CHTF18: variants seen among roughly 807,000 people sequenced by gnomAD.
CHTF18 encodes the protein chromosome transmission fidelity protein 18 homolog.
CHTF18 carries 151 observed loss-of-function variants against 113.4 expected under a neutral mutation model. The observed-to-expected ratio is 1.33, with a 90% CI of 1.17 to 1.52. The LOEUF (loss-of-function observed/expected upper bound fraction) is 1.52. Ranked by LOEUF, CHTF18 falls within the 40% of genes most tolerant of loss-of-function variation. The probability of loss-of-function intolerance (pLI) is 0.00; values close to 1 mark genes in which losing one functional copy is unlikely to be tolerated. For missense variants in CHTF18, 1,982 were observed against 1,381.6 expected, an observed-to-expected ratio of 1.43 and a Z score of -6.89; for synonymous variants, 916 against 598.8, an observed-to-expected ratio of 1.53 and a Z score of -7.74.
In CHTF18 at chr16:792,528, C is replaced by T. The variant is rs2042227028; in HGVS notation, c.1416C>T (p.Gly472=). ...PQGPAVPSGG[G]RRRRAEGGLL... ...GCCCGGCTGTGCCTTCGGGAGGCGG[C>T]CGACGGCGCCGGGCAGAGGGGGGGC... The change falls in exon 11 of 22, where the codon GGC becomes GGT. Residue 472 remains glycine, a synonymous_variant. Transcript: ENST00000262315. The T allele has an allele frequency of 3.1e-6, 5 of 1,594,684 alleles. No individual in the cohort carries two copies. Among genetic ancestry groups the T allele is most frequent in the Non-Finnish European group, 4.3e-6 (5 of 1,174,236 alleles).
Position 791,374 on chromosome 16 carries a change from A to G in CHTF18, c.1104+4A>G, listed in dbSNP as rs1228288121. On this transcript the variant is annotated splice_donor_region_variant and intron_variant, in intron 8 of 21. Coordinates refer to ENST00000262315, the MANE Select transcript of CHTF18 (RefSeq NM_022092.3). ...GAGCCAGCGACCGAAGCAGAAGGTG[A>G]GCCCCGCTGGCTGTGCCGCCGGGAA... is the stretch of plus-strand genomic sequence containing the variant. 1 of 1,596,328 alleles carries G rather than the reference A, an allele frequency of 6.3e-7. No individual in the cohort carries two copies. The highest frequency in any genetic ancestry group is 8.5e-7 in the Non-Finnish European group (1 of 1,174,602).
rs2151648751 is a variant in CHTF18 at position 795,477 on chromosome 16, CG to C, written c.2175+123del. 2 of 436,166 alleles carry C rather than the reference CG, an allele frequency of 4.6e-6. 1 individual carries two copies. Among genetic ancestry groups the C allele is most frequent in the African/African-American group, 8.5e-5 (2 of 23,506 alleles). 27.0% of individuals were successfully genotyped at this position (436,166 alleles called of 1,614,324 possible). A position where few individuals can be genotyped will look rare whatever the true frequency, so the allele number is the denominator to read the frequency against. On this transcript the variant is annotated intron_variant, in intron 16 of 21. Coordinates refer to ENST00000262315, the MANE Select transcript of CHTF18 (RefSeq NM_022092.3). ...AACACACTGCCCGTGTGGCTGCCCC[CG>C]GCCCCGTGCCCGCCCCCCCAAACAC... is the stretch of plus-strand genomic sequence containing the variant.
chr16:791,077 C>T (rs113406233), intron 7 of CHTF18, 84 bp from the exon 8 acceptor site: 1 of 1,523,740 alleles, frequency 6.6e-7, no homozygotes, highest in Non-Finnish European at 8.8e-7. Context: ...TCCCATGGGG[C>T]ATGGGGCTCA....
intron 20 of CHTF18, 126 bp downstream of exon 20, chr16:797,218 A>C: frequency 8.7e-7 from 1 of 1,145,348 alleles, no homozygotes; most frequent in South Asian, 2.0e-5. Context: ...GGGTGTGGCT[A>C]GGGCCCCTCA....
chr16:792,581 G>A lies in CHTF18; in HGVS notation c.1469G>A (p.Cys490Tyr), dbSNP rs1420772404. Residue 490 changes from cysteine (C) to tyrosine (Y), a missense_variant, in exon 11 of 22, where the codon TGC (cysteine) becomes TAC (tyrosine). Coordinates refer to ENST00000262315, the MANE Select transcript of CHTF18 (RefSeq NM_022092.3). ...CTCATGAGGCCCATTATCTGCATTT[G>A]CAATGACCAGTGAGTGCATGGGCGG... ...GLLMRPIICICNDQFAPSLRQ... is the reference protein window; with the variant it reads ...GLLMRPIICIYNDQFAPSLRQ... The A allele has an allele frequency of 1.3e-6, 2 of 1,595,670 alleles. No homozygotes were observed. Among genetic ancestry groups the A allele is most frequent in the Admixed American group, 1.8e-5 (1 of 54,874 alleles).
rs1447954996 is a variant in CHTF18 at position 797,944 on chromosome 16, G to A, written c.2897G>A (p.Arg966Gln). Residue 966 changes from arginine (R) to glutamine (Q), a missense_variant, in exon 22 of 22, where the codon CGG (arginine) becomes CAG (glutamine). Physicochemically the swap from Arg to Gln is conservative, Grantham distance 43 (BLOSUM62 1). Transcript: ENST00000262315. ...AACGAGGGTGTCTCCAACGCCGTGC[G>A]GCGCAGCCTGTACATCAGGGACTTG... ...RFNEGVSNAV[R>Q]RSLYIRDLL is the part of the protein sequence containing the mutation. 8.7e-6 allele frequency: 14 copies of A among 1,612,214 alleles called. No homozygotes were observed. Among genetic ancestry groups the A allele is most frequent in the Admixed American group, 1.7e-5 (1 of 59,964 alleles).
At chr16:796,566 G>T (rs533639477) in intron 18 of CHTF18, 151 bp from the exon 19 acceptor site, 11 of 901,202 alleles carry the variant, frequency 1.2e-5, no homozygotes, top group Middle Eastern at 6.9e-4. Context: ...CCTGGCTGCC[G>T]CAGGGTTGGG....
In CHTF18 at chr16:790,207, G is replaced by A. The variant is rs760835980; in HGVS notation, c.637G>A (p.Gly213Ser). Reference sequence around the variant, plus strand: ...TCTCCTCCACGTCCCATGGCGAGGCGGTGGCCAGCTGGACCTGCTGGGTGT... The same window carrying A: ...TCTCCTCCACGTCCCATGGCGAGGCAGTGGCCAGCTGGACCTGCTGGGTGT... ...GSLLHVPWRG[G>S]GQLDLLGVSL... Residue 213 changes from glycine to serine, a missense_variant, in exon 5 of 22, where the codon GGT becomes AGT. Transcript: ENST00000262315. The A allele has an allele frequency of 3.4e-5, 54 of 1,604,560 alleles. No individual in the cohort carries two copies. Among genetic ancestry groups the A allele is most frequent in the Non-Finnish European group, 3.8e-5 (45 of 1,176,516 alleles).
At chr16:797,134 C>A in intron 20 of CHTF18, 42 bp downstream of exon 20, 1 of 1,475,490 alleles carries the variant, frequency 6.8e-7, no homozygotes, top group Non-Finnish European at 8.9e-7. Context: ...AGGGTACATA[C>A]CTTTGGGGGT....
chr16:794,463 G>C (rs2042284241), intron 15 of CHTF18, among the ~76,000 whole-genome samples: 1 of 152,054 alleles, frequency 6.6e-6, no homozygotes, highest in East Asian at 1.9e-4. Flanking sequence ...GTGGCTGCTT[G>C]GGACTCTCAG....
Position 791,331 on chromosome 16 carries a change from G to A in CHTF18, c.1065G>A (p.Leu355=), listed in dbSNP as rs756752592. Residue 355 remains leucine, a synonymous_variant, in exon 8 of 22, where the codon CTG becomes CTA. Transcript: ENST00000262315. The stretch of plus-strand genomic sequence containing the variant: ...ACGAACAGGTGCTGGAGGAGATGCT[G>A]GAGGCTGGGCTGGACCCGAGCCAGC... ...KSHEQVLEEM[L]EAGLDPSQRP... is the part of the protein sequence containing the mutation. 17 of 1,608,986 alleles carry A rather than the reference G, an allele frequency of 1.1e-5. No individual in the cohort carries two copies. The highest frequency in any genetic ancestry group is 1.4e-5 in the Non-Finnish European group (16 of 1,179,348).
chr16:795,356 G>A lies in CHTF18; in HGVS notation c.2175G>A (p.Glu725=). ...PRITFPSSQQ[E]AQNRMSQMRN... ...TCACCTTCCCCAGCAGCCAGCAGGA[G>A]GTGTGCTCGTCCCTGCACCACGCCT... The change falls in exon 16 of 22, where the codon GAG becomes GAA. Residue 725 remains glutamate (E), a splice_region_variant and synonymous_variant. Transcript: ENST00000262315. The A allele has an allele frequency of 1.3e-6, 2 of 1,543,708 alleles. No individual in the cohort carries two copies. Among genetic ancestry groups the A allele is most frequent in the Non-Finnish European group, 1.7e-6 (2 of 1,145,170 alleles).
Position 789,709 on chromosome 16 carries a change from G to A in CHTF18, c.600G>A (p.Gly200=), listed in dbSNP as rs992462032. 40 of 1,586,224 alleles carry A rather than the reference G, an allele frequency of 2.5e-5. No individual in the cohort carries two copies. Among genetic ancestry groups the A allele is most frequent in the Non-Finnish European group, 3.1e-5 (36 of 1,171,852 alleles). Residue 200 remains glycine (G), a synonymous_variant, in exon 4 of 22, where the codon GGG becomes GGA. Coordinates refer to ENST00000262315, the MANE Select transcript of CHTF18 (RefSeq NM_022092.3). ...TGCGTGCTGACCCCATGGCCCCGGG[G>A]GTGCAGGTGCGTGGCTGTGGCCTTC... The part of the protein sequence containing the change: ...LVLRADPMAP[G]VQGSLLHVPW...
At chr16:789,480 C>G in intron 3 of CHTF18, 67 bp from the exon 4 acceptor site, 6 of 1,543,122 alleles carry the variant, frequency 3.9e-6, no homozygotes, top group Non-Finnish European at 5.2e-6. Context: ...AGAGCAGTCT[C>G]GGACACCCAT....
chr16:792,905 C>T (rs981878750), intron 12 of CHTF18, 61 bp from the exon 13 acceptor site: 44 of 1,534,526 alleles, frequency 2.9e-5, no homozygotes, highest in Non-Finnish European at 3.5e-5. Context: ...CCATGGAACC[C>T]TGGTAACCCC....
At position 792,354 on chromosome 16, in the gene CHTF18, T is replaced by C; in HGVS notation, c.1326+7T>C. On this transcript the variant is annotated splice_region_variant and intron_variant, in intron 10 of 21. Transcript: ENST00000262315. ...GATCGACGGGGCCCCCGTGGTGGGC[T>C]CCTTGATGCCTGGGTAGGTGGGTGG... The C allele has an allele frequency of 6.4e-7, 1 of 1,556,828 alleles. No individual in the cohort carries two copies.
Position 797,956 on chromosome 16 carries a change from ACATCAGGGACTTGCTCTAGTT to A in CHTF18, c.2911_*3del. ...TCCAACGCCGTGCGGCGCAGCCTGT[ACATCAGGGACTTGCTCTAGTT>A]CTCTGAGCCGCGGACATGCCCTCGC... On this transcript the variant is annotated stop_lost and 3_prime_UTR_variant, in exon 22 of 22. Transcript: ENST00000262315. 6.2e-7 allele frequency: 1 copy of A among 1,612,048 alleles called. No individual in the cohort carries two copies. Among genetic ancestry groups the A allele is most frequent in the East Asian group, 2.2e-5 (1 of 44,878 alleles).
Position 795,192 on chromosome 16 carries a change from G to A in CHTF18, c.2011G>A (p.Val671Met), listed in dbSNP as rs767471473. The change falls in exon 16 of 22, where the codon GTG (valine) becomes ATG (methionine). Residue 671 changes from valine to methionine, a missense_variant. Val to Met is a conservative substitution (Grantham distance 21, BLOSUM62 1). Transcript: ENST00000262315. ...LRDSSLGAVC[V>M]ALDWLAFDDL... ...AGACTCCAGCCTGGGTGCTGTGTGT[G>A]TGGCCCTCGACTGGCTGGCCTTCGA... is the stretch of plus-strand genomic sequence containing the variant. 15 of 1,558,974 alleles carry A rather than the reference G, an allele frequency of 9.6e-6. No individual in the cohort carries two copies. The highest frequency in any genetic ancestry group is 1.0e-5 in the Non-Finnish European group (12 of 1,151,690).
rs141232619 is a variant in CHTF18, at chr16:789,431, C to A, written c.437+71C>A. ...ACTCAGATGGAGCCCATCCCGTGCC[C>A]TGGATGAGGCCTGGGGGGTGGGGAG... On this transcript the variant is annotated intron_variant, in intron 3 of 21. Coordinates refer to ENST00000262315, the MANE Select transcript of CHTF18 (RefSeq NM_022092.3). 8.4e-4 allele frequency: 1,288 copies of A among 1,534,318 alleles called. 13 individuals carry two copies. The African/African-American group carries it at 0.015, about 18-fold the overall frequency.
Sources: allele counts gnomAD v4.1 joint callset (sites outside exome capture counted in the v4.1 genomes callset), GRCh38; gene constraint gnomAD v4.1.1; transcripts MANE v1.5; gene names NCBI Gene and HGNC (gene_info 2026-07-23, HGNC 2026-07-21).